The following ALDH6A1 variants were observed in gnomAD, a reference collection of about 807,000 sequenced individuals.
The protein encoded by ALDH6A1 is aldehyde dehydrogenase 6 family member A1.
A neutral mutation model predicts 62.6 loss-of-function variants in ALDH6A1; 43 were observed. That is an observed-to-expected ratio of 0.69 (90% confidence interval 0.54 to 0.89). The LOEUF (loss-of-function observed/expected upper bound fraction) is 0.89. Among genes scored for constraint, ALDH6A1 ranks in the 40% least tolerant of loss-of-function variants. The pLI, the probability that ALDH6A1 is intolerant of heterozygous loss-of-function variation, is 0.00. For synonymous variants in ALDH6A1, 194 were observed against 234.2 expected (o/e 0.83, Z 1.57); for missense variants, 551 against 661.3 (o/e 0.83, Z 1.83).
In ALDH6A1 at chr14:74,057,283, C is replaced by G; in HGVS notation, c.*3359G>C. 6.2e-7 allele frequency: 1 copy of G among 1,614,046 alleles called. No individual in the cohort carries two copies. Among genetic ancestry groups the G allele is most frequent in the Non-Finnish European group, 8.5e-7 (1 of 1,179,974 alleles). The stretch of plus-strand genomic sequence containing the variant: ...AGTAAGGAGTCTGTATCTAATCAAA[C>G]AATGTATATTGTTGTCACCCTTCCC... On this transcript the variant is annotated 3_prime_UTR_variant, in exon 12 of 12. Coordinates refer to ENST00000553458, the MANE Select transcript of ALDH6A1 (RefSeq NM_005589.4).
At chr14:74,068,388 G>GAA (rs3082879) in intron 7 of ALDH6A1, among the ~76,000 whole-genome samples, 35,231 of 150,588 alleles carry the variant, frequency 0.23, 4,583 homozygotes, top group South Asian at 0.46. Context: ...CAAAAAAAAA[G>GAA]AAAAAAAGTG....
At chr14:74,064,558 A>G in intron 11 of ALDH6A1, 1 of 814,414 alleles carries the variant, frequency 1.2e-6, no homozygotes, top group Non-Finnish European at 2.1e-6. Context: ...GAAGAGGGTC[A>G]CACACTCAGG....
At chr14:74,067,351 C>T in intron 8 of ALDH6A1, 29 bp downstream of exon 8, 2 of 1,612,054 alleles carry the variant, frequency 1.2e-6, no homozygotes, top group Non-Finnish European at 1.7e-6. Context: ...GATGCAAAAT[C>T]TAAGGGGGCA....
At position 74,059,847 on chromosome 14, in the gene ALDH6A1, T is replaced by A; in HGVS notation, c.*795A>T. On this transcript the variant is annotated 3_prime_UTR_variant, in exon 12 of 12. Transcript: ENST00000553458. ...TTACTGAGGTATCCTTGAGAAGTGATCTTAAGCAGGAGCAGTGACAATGAT... is the reference window on the plus strand; with the variant it reads ...TTACTGAGGTATCCTTGAGAAGTGAACTTAAGCAGGAGCAGTGACAATGAT... 6.5e-6 allele frequency: 1 copy of A among 154,010 alleles called. No individual in the cohort carries two copies. The highest frequency in any genetic ancestry group is 2.0e-4 in the South Asian group (1 of 4,938). 9.5% of individuals were successfully genotyped at this position (154,010 alleles called of 1,614,324 possible).
At chr14:74,065,766 T>C in intron 9 of ALDH6A1, 1 of 209,240 alleles carries the variant, frequency 4.8e-6, no homozygotes, top group Non-Finnish European at 9.8e-6. Context: ...AGAAACCCCA[T>C]GCTGTTTTCT....
At chr14:74,071,767 A>G in intron 5 of ALDH6A1, 129 bp downstream of exon 5, 5 of 1,461,672 alleles carry the variant, frequency 3.4e-6, no homozygotes, top group Non-Finnish European at 4.8e-6. Flanking sequence ...ATTTTTCACA[A>G]GTATTAAAAA....
intron 1 of ALDH6A1, chr14:74,078,286 A>G (rs1330383802): frequency 2.2e-6 from 1 of 455,844 alleles, no homozygotes; most frequent in Admixed American, 2.4e-5. Flanking sequence ...GGTAGCCAGC[A>G]AGCTCCATGC....
Position 74,072,741 on chromosome 14 carries a change from T to TAGAAATGTTACCACTAA in ALDH6A1, c.112-131_112-130insTTAGTGGTAACATTTCT. The TAGAAATGTTACCACTAA allele has an allele frequency of 2.9e-6, 3 of 1,022,576 alleles. No individual in the cohort carries two copies. The South Asian group carries it at 4.2e-5, about 14-fold the overall frequency. 63.3% of individuals were successfully genotyped at this position (1,022,576 alleles called of 1,614,324 possible). On this transcript the variant is annotated intron_variant, in intron 2 of 11. Transcript: ENST00000553458. ...GTTGATAACGGAATCTTCTGGTCTT[T>TAGAAATGTTACCACTAA]AGAAATGTTACCACTAGGAAAGAGA... is the stretch of plus-strand genomic sequence containing the variant.
chr14:74,078,942 G>A (rs2139813605), intron 1 of ALDH6A1, among the ~76,000 whole-genome samples: 1 of 151,960 alleles, frequency 6.6e-6, no homozygotes, highest in East Asian at 1.9e-4. Flanking sequence ...TGGGATTACA[G>A]GGGTGAGCCA....
rs1595095320 is a variant in ALDH6A1 at position 74,057,445 on chromosome 14, T to TAATGCA, written c.*3191_*3196dup. On this transcript the variant is annotated 3_prime_UTR_variant, in exon 12 of 12. Coordinates refer to ENST00000553458, the MANE Select transcript of ALDH6A1 (RefSeq NM_005589.4). Reference sequence around the variant, plus strand: ...ATATCCGTACAAATGCATATTATACTAATGCAAATGCAAATGTGTGCCTCT... The same window carrying TAATGCA: ...ATATCCGTACAAATGCATATTATACTAATGCAAATGCAAATGCAAATGTGTGCCTCT... 3.4e-6 allele frequency: 5 copies of TAATGCA among 1,476,928 alleles called. No homozygotes were observed. The highest frequency in any genetic ancestry group is 2.7e-5 in the South Asian group (2 of 74,114). 91.5% of individuals were successfully genotyped at this position (1,476,928 alleles called of 1,614,324 possible). A position where few individuals can be genotyped will look rare whatever the true frequency, so the allele number is the denominator to read the frequency against.
rs1426473123 is a variant in ALDH6A1, at chr14:74,059,878, T to G, written c.*764A>C. The G allele has an allele frequency of 6.5e-6, 1 of 153,668 alleles. No individual in the cohort carries two copies. Among genetic ancestry groups the G allele is most frequent in the Non-Finnish European group, 1.4e-5 (1 of 69,156 alleles). The allele number at this position is 153,668 out of a possible 1,614,324, so 9.5% of individuals were successfully genotyped here. On this transcript the variant is annotated 3_prime_UTR_variant, in exon 12 of 12. Transcript: ENST00000553458. ...GCAGGAGCAGTGACAATGATAGAAT[T>G]AATAGTGGTCATGAATTACTAGGAA...
At chr14:74,069,160 A>T (rs1354578727) in intron 6 of ALDH6A1, 179 bp from the exon 7 acceptor site, 2 of 576,710 alleles carry the variant, frequency 3.5e-6, no homozygotes, top group Non-Finnish European at 5.4e-6. Context: ...GCTGGAGTGC[A>T]GTGGCACAAT....
At chr14:74,082,393 GTTTTTTTTTTT>G (rs869211328) in intron 1 of ALDH6A1, among the ~76,000 whole-genome samples, 14 of 77,568 alleles carry the variant, frequency 1.8e-4, no homozygotes, top group African/African-American at 4.2e-4. Flanking sequence ...CAAAATCGAG[GTTTTTTTTTTT>G]TTTTTTTTTT....
At position 74,057,404 on chromosome 14, in the gene ALDH6A1, A is replaced by T. The variant is rs912440922; in HGVS notation, c.*3238T>A. 5 of 1,530,520 alleles carry T rather than the reference A, an allele frequency of 3.3e-6. No homozygotes were observed. In the African/African-American group the frequency reaches 6.9e-5, roughly 21 times the overall value. 94.8% of individuals were successfully genotyped at this position (1,530,520 alleles called of 1,614,324 possible). A position where few individuals can be genotyped will look rare whatever the true frequency, so the allele number is the denominator to read the frequency against. ...GTAATAAATAGCATTAGTAGATTAC[A>T]TAAATTTTTAAAGCAATATCCGTAC... On this transcript the variant is annotated 3_prime_UTR_variant, in exon 12 of 12. Transcript: ENST00000553458.
At chr14:74,064,676 A>T (rs748607411) in intron 11 of ALDH6A1, 146 bp downstream of exon 11, 5 of 1,613,906 alleles carry the variant, frequency 3.1e-6, no homozygotes, top group South Asian at 2.2e-5. Context: ...TTAACTTTTA[A>T]ATCTTTTTTA....
rs548222355 is a variant in ALDH6A1, at chr14:74,066,550, A to G, written c.1224+155T>C. Among the ~76,000 whole-genome samples, 14 of 152,188 alleles carry G rather than the reference A, an allele frequency of 9.2e-5. No homozygotes were observed. In the South Asian group the frequency reaches 2.5e-3, roughly 27 times the overall value. On this transcript the variant is annotated intron_variant, in intron 9 of 11. Transcript: ENST00000553458. ...GAGTTTGGTTGGGAGTTAGAAGGAG[A>G]GGCTCATTCAGACTCCAGATAAAAT...
intron 6 of ALDH6A1, 103 bp downstream of exon 6, chr14:74,071,084 AATCCTTTC>A: frequency 9.1e-7 from 1 of 1,098,528 alleles, no homozygotes; most frequent in East Asian, 2.4e-5. Context: ...AAAATGAGTA[AATCCTTTC>A]CTCCTTACAA....
At chr14:74,079,061 C>CTTAA (rs1486545762) in intron 1 of ALDH6A1, among the ~76,000 whole-genome samples, 6 of 151,790 alleles carry the variant, frequency 4.0e-5, no homozygotes, top group Non-Finnish European at 8.8e-5. Flanking sequence ...ACTCTCATGG[C>CTTAA]TTAACTATCT....
chr14:74,074,405 G>A (rs187194965), intron 2 of ALDH6A1, among the ~76,000 whole-genome samples: 10 of 151,638 alleles, frequency 6.6e-5, no homozygotes, highest in Admixed American at 5.3e-4. Flanking sequence ...TCCTGCCTCA[G>A]CCCGCAGAGT....
Sources: allele counts gnomAD v4.1 joint callset (sites outside exome capture counted in the v4.1 genomes callset), GRCh38; gene constraint gnomAD v4.1.1; transcripts MANE v1.5; gene names NCBI Gene and HGNC (gene_info 2026-07-23, HGNC 2026-07-21).